The following IQCK variants were observed in gnomAD, a reference collection of about 807,000 sequenced individuals.
The protein encoded by IQCK is IQ motif containing K, also known as IQ domain-containing protein K.
A neutral mutation model predicts 28.1 loss-of-function variants in IQCK; 29 were observed. That is an observed-to-expected ratio of 1.03 (90% confidence interval 0.77 to 1.41). The LOEUF (loss-of-function observed/expected upper bound fraction) is 1.41. IQCK is among the 40% of genes most tolerant of loss of function. The probability of loss-of-function intolerance (pLI) is 0.00; values close to 1 mark genes in which losing one functional copy is unlikely to be tolerated. For missense variants in IQCK, 359 were observed against 314.7 expected (o/e 1.14, Z -1.07); for synonymous variants, 113 against 115.1 (o/e 0.98, Z 0.12).
chr16:19,840,845 T>C (rs918897302), intron 9 of IQCK, among the ~76,000 whole-genome samples: 6 of 152,228 alleles, frequency 3.9e-5, no homozygotes, highest in African/African-American at 1.4e-4. Context: ...AGAAATCTGT[T>C]GGTGTTCAGT....
intron 1 of IQCK, among the ~76,000 whole-genome samples, chr16:19,718,770 T>C (rs567926741): frequency 2.0e-5 from 3 of 152,270 alleles, no homozygotes; most frequent in East Asian, 3.9e-4. Context: ...GGACCATTGG[T>C]TCTTAAACCT....
rs556693015 is a variant in IQCK, at chr16:19,825,281, G to A, written c.691-1745G>A. ...TATACCTGTAATCCCAGCCCTTTGG[G>A]AGGCCAAGGCGGATGGTTCACTTGA... On this transcript the variant is annotated intron_variant, in intron 7 of 7. Coordinates refer to ENST00000564186, the Ensembl canonical transcript of IQCK. The surrounding 1 kb of genome is among the most constrained non-coding windows in gnomAD (Gnocchi z 4.2). Among the ~76,000 whole-genome samples the A allele has an allele frequency of 3.9e-5, 6 of 152,168 alleles. No homozygotes were observed. Among genetic ancestry groups the A allele is most frequent in the Non-Finnish European group, 7.3e-5 (5 of 68,042 alleles).
intron 7 of IQCK, among the ~76,000 whole-genome samples, chr16:19,821,249 T>C (rs2056067634): frequency 6.6e-6 from 1 of 152,282 alleles, no homozygotes; most frequent in South Asian, 2.1e-4. Flanking sequence ...TAACACGTGT[T>C]GACAAGAATG....
chr16:19,745,238 T>C (rs919178811), intron 4 of IQCK, among the ~76,000 whole-genome samples: 1 of 152,220 alleles, frequency 6.6e-6, no homozygotes, highest in African/African-American at 2.4e-5. Context: ...ACACACTCAG[T>C]GAATCACCTC....
intron 4 of IQCK, among the ~76,000 whole-genome samples, chr16:19,755,434 A>C (rs968036065): frequency 6.6e-6 from 1 of 152,238 alleles, no homozygotes; most frequent in Non-Finnish European, 1.5e-5. Flanking sequence ...GGGATGTCAC[A>C]CTGCAGAGAG....
intron 1 of IQCK, among the ~76,000 whole-genome samples, chr16:19,721,372 C>T (rs1371490360): frequency 6.6e-6 from 1 of 152,170 alleles, no homozygotes; most frequent in Non-Finnish European, 1.5e-5. Flanking sequence ...TATGTATGTG[C>T]ATGCTCACCA....
exon 10 of IQCK, chr16:19,856,508 A>G (rs764982038): frequency 1.9e-6 from 3 of 1,613,928 alleles, no homozygotes; most frequent in East Asian, 2.2e-5. Context: ...ATGGAGGACG[A>G]TGCAGTACCT....
intron 6 of IQCK, among the ~76,000 whole-genome samples, chr16:19,769,330 C>A (rs2055286125): frequency 6.6e-6 from 1 of 152,200 alleles, no homozygotes; most frequent in South Asian, 2.1e-4. Context: ...ATTTTAAAAG[C>A]ATCACAGCAT....
chr16:19,856,961 G>C (rs2056570627), exon 10 of IQCK: 1 of 169,796 alleles, frequency 5.9e-6, no homozygotes, highest in Admixed American at 6.2e-5. Flanking sequence ...TTGGTTTTAA[G>C]TTTACCTAGT....
At chr16:19,816,892 G>GA (rs1379218658) in intron 7 of IQCK, among the ~76,000 whole-genome samples, 2 of 152,134 alleles carry the variant, frequency 1.3e-5, no homozygotes, top group African/African-American at 4.8e-5. Flanking sequence ...CCAACCCAAT[G>GA]AAAAAATATT....
chr16:19,814,169 G>A lies in IQCK; in HGVS notation c.691-12857G>A, dbSNP rs962788883. ...CAGGAGGTGGAGGTTGCAGTGAGCC[G>A]AGATCGTGCCATTGCACTCCAGCCT... On this transcript the variant is annotated intron_variant, in intron 7 of 7. Coordinates refer to ENST00000564186, the Ensembl canonical transcript of IQCK. 1.3e-4 allele frequency among the ~76,000 whole-genome samples: 18 copies of A among 142,368 alleles called. No homozygotes were observed. In the Admixed American group the frequency reaches 1.3e-3, roughly 10 times the overall value. The allele number at this position is 142,368 out of a possible 152,430, so 93.4% of individuals were successfully genotyped here.
At chr16:19,845,438 TAAAA>T (rs1420648104) in intron 9 of IQCK, among the ~76,000 whole-genome samples, 6 of 152,168 alleles carry the variant, frequency 3.9e-5, no homozygotes, top group African/African-American at 1.4e-4. Flanking sequence ...CAGTGATAAA[TAAAA>T]AAGTCATAAG....
exon 1 of IQCK, chr16:19,718,451 C>T (rs1182673675): frequency 1.9e-6 from 3 of 1,607,364 alleles, no homozygotes; most frequent in Non-Finnish European, 2.5e-6. Flanking sequence ...GGTCACCGAG[C>T]CGTCAAGCAA....
At chr16:19,853,431 G>C (rs561899501) in intron 9 of IQCK, among the ~76,000 whole-genome samples, 1 of 152,172 alleles carries the variant, frequency 6.6e-6, no homozygotes. Flanking sequence ...AGGTCAACAC[G>C]TAGGGAGTAG....
At chr16:19,773,877 A>C (rs188003401) in intron 6 of IQCK, among the ~76,000 whole-genome samples, 1 of 152,202 alleles carries the variant, frequency 6.6e-6, no homozygotes, top group African/African-American at 2.4e-5. Context: ...GAGTTCAGGA[A>C]CTTGATATGT....
At chr16:19,748,589 T>G (rs1374726482) in intron 4 of IQCK, among the ~76,000 whole-genome samples, 1 of 152,170 alleles carries the variant, frequency 6.6e-6, no homozygotes, top group Admixed American at 6.5e-5. Flanking sequence ...CCTATTAGCG[T>G]TTCTCTTGGA....
Position 19,763,892 on chromosome 16 carries a change from G to A in IQCK, c.519G>A (p.Trp173Ter). 1 of 1,613,724 alleles carries A rather than the reference G, an allele frequency of 6.2e-7. No individual in the cohort carries two copies. Among genetic ancestry groups the A allele is most frequent in the Non-Finnish European group, 8.5e-7 (1 of 1,179,640 alleles). ...TTGCCTGTGATTTTCTGACTGAGTG[G>A]TTATACAAGTAAGTTGTTCGTGTCT... The change falls in exon 5 of 8, where the codon TGG becomes TGA. Residue 173 changes from tryptophan to a stop codon, truncating the protein, a stop_gained. Coordinates refer to ENST00000564186, the Ensembl canonical transcript of IQCK. LOFTEE classifies it high-confidence loss of function.
chr16:19,732,203 C>T (rs1257376308), intron 2 of IQCK, among the ~76,000 whole-genome samples: 1 of 152,240 alleles, frequency 6.6e-6, no homozygotes, highest in East Asian at 1.9e-4. Flanking sequence ...CCCTTGCAGA[C>T]ATATCCAGAC....
intron 4 of IQCK, among the ~76,000 whole-genome samples, chr16:19,737,409 C>G (rs1161935295): frequency 6.6e-6 from 1 of 152,186 alleles, no homozygotes; most frequent in East Asian, 1.9e-4. Context: ...TTCACAGTAT[C>G]CTGCCCCACT....
Sources: gnomAD v4.1 joint callset for allele counts (sites outside exome capture counted in the v4.1 genomes callset) on GRCh38, gnomAD v4.1.1 for gene constraint, Gnocchi (gnomAD v3.1) non-coding constraint, MANE v1.5 for transcripts, NCBI Gene and HGNC (gene_info 2026-07-23, HGNC 2026-07-21) for gene names.